The following RIMS1 variants were observed in gnomAD, a reference collection of about 807,000 sequenced individuals.
RIMS1 encodes the protein regulating synaptic membrane exocytosis protein 1.
RIMS1 carries 83 observed loss-of-function variants against 214.1 expected under a neutral mutation model. The observed-to-expected ratio is 0.39, with a 90% CI of 0.32 to 0.47. RIMS1 has a LOEUF of 0.47. Ranked by LOEUF, RIMS1 falls within the 20% of genes least tolerant of loss-of-function variation. The pLI is 0.99. For missense variants in RIMS1, 2,050 were observed against 2,161.8 expected (o/e 0.95, Z 1.03); for synonymous variants, 793 against 786.8 (o/e 1.01, Z -0.13).
At chr6:72,340,812 C>A (rs1489992579) in intron 29 of RIMS1, among the ~76,000 whole-genome samples, 1 of 151,986 alleles carries the variant, frequency 6.6e-6, no homozygotes, top group Admixed American at 6.6e-5. Flanking sequence ...TTTTCCAATT[C>A]TGTGAAGAAA....
chr6:72,317,252 G>A (rs572277521), intron 28 of RIMS1: 116 of 298,606 alleles, frequency 3.9e-4, no homozygotes, highest in Middle Eastern at 3.9e-3. Context: ...AAGTAGGGCC[G>A]CAGGTCCTTG....
rs536540671 is a variant in RIMS1, at chr6:72,342,144, A to G, written c.4366+8309A>G. On this transcript the variant is annotated intron_variant, in intron 29 of 33. Transcript: ENST00000521978. Reference sequence around the variant, plus strand: ...CCTCTAACTCTATATGTTGTCCCCAATTATTTGAACAGTTTGTTTTTCTGA... The same window carrying G: ...CCTCTAACTCTATATGTTGTCCCCAGTTATTTGAACAGTTTGTTTTTCTGA... Among the ~76,000 whole-genome samples, 7 of 151,892 alleles carry G rather than the reference A, an allele frequency of 4.6e-5. No homozygotes were observed. In the East Asian group the frequency reaches 1.2e-3, roughly 25 times the overall value.
Position 72,176,121 on chromosome 6 carries a change from TTAAGA to T in RIMS1, c.472-3449_472-3445del, listed in dbSNP as rs1364922443. Among the ~76,000 whole-genome samples the T allele has an allele frequency of 4.1e-4, 62 of 152,240 alleles. 1 individual carries two copies. Among genetic ancestry groups the T allele is most frequent in the African/African-American group, 1.4e-3 (59 of 41,574 alleles). On this transcript the variant is annotated intron_variant, in intron 4 of 33. Transcript: ENST00000521978. The stretch of plus-strand genomic sequence containing the variant: ...GTGATTGCTTAACATCTGTAAATTG[TTAAGA>T]TAAGTTATTGCACAGGCCTACTTTA...
chr6:72,283,158 A>G (rs935813438), intron 23 of RIMS1, among the ~76,000 whole-genome samples: 2 of 152,108 alleles, frequency 1.3e-5, no homozygotes, highest in African/African-American at 2.4e-5. Flanking sequence ...CTTAATTTGT[A>G]GATAATTAAT....
At chr6:72,213,664 T>A (rs1284657749) in intron 6 of RIMS1, among the ~76,000 whole-genome samples, 1 of 152,156 alleles carries the variant, frequency 6.6e-6, no homozygotes, top group Non-Finnish European at 1.5e-5. Flanking sequence ...ATTAGTGGAA[T>A]GTCAATGCAA....
At chr6:72,151,894 C>T (rs2043646872) in intron 4 of RIMS1, among the ~76,000 whole-genome samples, 1 of 152,130 alleles carries the variant, frequency 6.6e-6, no homozygotes, top group African/African-American at 2.4e-5. Flanking sequence ...TGGTGAGGGC[C>T]TCAGGAAGTT....
chr6:72,007,020 T>C (rs758624739), intron 2 of RIMS1, among the ~76,000 whole-genome samples: 1 of 152,198 alleles, frequency 6.6e-6, no homozygotes, highest in Non-Finnish European at 1.5e-5. Flanking sequence ...ACGGACAGAC[T>C]GGCTTTTCAA....
intron 2 of RIMS1, among the ~76,000 whole-genome samples, chr6:72,064,121 C>G (rs967108902): frequency 6.6e-6 from 1 of 152,166 alleles, no homozygotes; most frequent in Non-Finnish European, 1.5e-5. Flanking sequence ...AGTTCGAGAC[C>G]AGCCTGGCCA....
At chr6:72,079,725 A>T (rs1586480420) in intron 2 of RIMS1, among the ~76,000 whole-genome samples, 1 of 152,020 alleles carries the variant, frequency 6.6e-6, no homozygotes, top group East Asian at 1.9e-4. Flanking sequence ...ATCTACAAAA[A>T]AATTTAAAAA....
chr6:72,016,928 A>G (rs1006309527), intron 2 of RIMS1, among the ~76,000 whole-genome samples: 21 of 152,240 alleles, frequency 1.4e-4, no homozygotes, highest in African/African-American at 4.6e-4. Flanking sequence ...ATTCTTATAC[A>G]GTGGGAATCC....
chr6:72,045,307 A>G (rs1476462109), intron 2 of RIMS1, among the ~76,000 whole-genome samples: 2 of 151,932 alleles, frequency 1.3e-5, no homozygotes, highest in Non-Finnish European at 2.9e-5. Context: ...ATATTGCATT[A>G]TATTTTATTT....
At chr6:72,357,334 A>C (rs2097679193) in intron 29 of RIMS1, among the ~76,000 whole-genome samples, 1 of 152,198 alleles carries the variant, frequency 6.6e-6, no homozygotes, top group East Asian at 1.9e-4. Flanking sequence ...CTCTTTACTC[A>C]GATGAAGGAT....
intron 26 of RIMS1, among the ~76,000 whole-genome samples, chr6:72,296,162 T>A (rs1430130884): frequency 6.6e-6 from 1 of 151,836 alleles, no homozygotes; most frequent in Non-Finnish European, 1.5e-5. Context: ...AAGATTACTT[T>A]AAAATTAATG....
rs1432765944 is a variant in RIMS1, at chr6:72,250,348, A to G, written c.2260A>G (p.Lys754Glu). The G allele has an allele frequency of 2.5e-6, 4 of 1,608,914 alleles. No individual in the cohort carries two copies. The highest frequency in any genetic ancestry group is 3.4e-6 in the Non-Finnish European group (4 of 1,177,760). Residue 754 changes from lysine to glutamate, a missense_variant, in exon 13 of 34, where the codon AAA becomes GAA. By Grantham distance (56) the Lys-to-Glu change is moderately conservative. This residue lies in a region of RIMS1 where 889 missense variants were observed against 885.5 expected (regional missense o/e 1.00). Coordinates refer to ENST00000521978, the MANE Select transcript of RIMS1 (RefSeq NM_014989.7). The part of the protein sequence containing the change: ...GQLSVKLWYD[K>E]VGHQLIVNVL... ...CTCCTAGGTGAAGTTGTGGTATGAT[A>G]AAGTGGGACACCAGCTGATTGTAAA...
intron 29 of RIMS1, among the ~76,000 whole-genome samples, chr6:72,354,082 T>C (rs2097550976): frequency 6.6e-6 from 1 of 152,090 alleles, no homozygotes; most frequent in African/African-American, 2.4e-5. Context: ...TAGCCGGGCG[T>C]GGTGGCACGT....
intron 2 of RIMS1, among the ~76,000 whole-genome samples, chr6:72,019,382 C>G (rs1562128019): frequency 6.6e-6 from 1 of 152,218 alleles, no homozygotes; most frequent in African/African-American, 2.4e-5. Context: ...TGCCAGTGCT[C>G]AAGTGAGGAT....
rs1296891256 is a variant in RIMS1 at position 72,196,389 on chromosome 6, A to G, written c.1678+13240A>G. 6.6e-4 allele frequency among the ~76,000 whole-genome samples: 98 copies of G among 149,150 alleles called. 1 individual carries two copies. Among genetic ancestry groups the G allele is most frequent in the Middle Eastern group, 3.4e-3 (1 of 290 alleles). ...TGTCTGTCTGTCTGTCTATCTATCT[A>G]TCTATCTATCTATCTATCTATCTAT... On this transcript the variant is annotated intron_variant, in intron 6 of 33. Transcript: ENST00000521978.
intron 4 of RIMS1, among the ~76,000 whole-genome samples, chr6:72,165,802 C>T (rs756932303): frequency 7.9e-5 from 12 of 151,898 alleles, no homozygotes; most frequent in Non-Finnish European, 1.3e-4. Context: ...AGGAGGCCAC[C>T]CAAAAGGAAC....
Position 72,248,010 on chromosome 6 carries a change from T to G in RIMS1, c.2129-5T>G. The stretch of plus-strand genomic sequence containing the variant: ...AATATTACTTACTTTTTTTTCTCAT[T>G]TTAGGTTCAAGTTCCTTTGAATCTC... On this transcript the variant is annotated splice_region_variant and splice_polypyrimidine_tract_variant and intron_variant, in intron 11 of 33. Coordinates refer to ENST00000521978, the MANE Select transcript of RIMS1 (RefSeq NM_014989.7). The G allele has an allele frequency of 6.3e-7, 1 of 1,594,052 alleles. No individual in the cohort carries two copies. The highest frequency in any genetic ancestry group is 8.6e-7 in the Non-Finnish European group (1 of 1,162,384).
Sources: allele counts gnomAD v4.1 joint callset (sites outside exome capture counted in the v4.1 genomes callset), GRCh38; gene constraint gnomAD v4.1.1; regional missense constraint gnomAD v4.1.1; transcripts MANE v1.5; gene names NCBI Gene and HGNC (gene_info 2026-07-23, HGNC 2026-07-21).